HHIP: variants seen among roughly 807,000 people sequenced by gnomAD.
HHIP encodes the protein hedgehog-interacting protein.
HHIP carries 12 observed loss-of-function variants against 74.0 expected under a neutral mutation model. That is an observed-to-expected ratio of 0.16 (90% CI 0.10 to 0.26). The LOEUF (loss-of-function observed/expected upper bound fraction) is 0.26, where lower values mean the gene tolerates loss of function less well. Among genes scored for constraint, HHIP ranks in the 10% least tolerant of loss-of-function variants. The pLI is 1.00. For missense variants in HHIP, 788 were observed against 845.0 expected, an observed-to-expected ratio of 0.93 and a Z score of 0.84; for synonymous variants, 309 against 311.6, an observed-to-expected ratio of 0.99 and a Z score of 0.09.
intron 11 of HHIP, among the ~76,000 whole-genome samples, chr4:144,722,548 G>T (rs537575854): frequency 6.6e-6 from 1 of 152,062 alleles, no homozygotes; most frequent in East Asian, 1.9e-4. Context: ...GACATCTATG[G>T]AGCTTCTAAG....
At chr4:144,691,369 T>C (rs1461178393) in intron 4 of HHIP, among the ~76,000 whole-genome samples, 1 of 152,188 alleles carries the variant, frequency 6.6e-6, no homozygotes, top group African/African-American at 2.4e-5. Context: ...TGTCTAGGCT[T>C]ATATGTGTGA....
In HHIP at chr4:144,718,937, A is replaced by C. The variant is rs774266741; in HGVS notation, c.1741A>C (p.Lys581Gln). 5 of 1,601,894 alleles carry C rather than the reference A, an allele frequency of 3.1e-6. No individual in the cohort carries two copies. In the East Asian group the frequency reaches 1.1e-4, roughly 36 times the overall value. The change falls in exon 11 of 13, where the codon AAA (lysine) becomes CAA (glutamine). Residue 581 changes from lysine (K) to glutamine (Q), a missense_variant. Lys to Gln is a moderately conservative substitution (Grantham distance 53). Coordinates refer to ENST00000296575, the MANE Select transcript of HHIP (RefSeq NM_022475.3). ...MTQTHNGKLYKIVDPKRPLMP... is the reference protein window; with the variant it reads ...MTQTHNGKLYQIVDPKRPLMP... ...CCAGACTCACAATGGAAAACTCTAC[A>C]AAATTGTAGATCCCAAAAGGTGAGA...
rs1429772591 is a variant in HHIP at position 144,742,973 on chromosome 4, A to G, written c.*5016A>G. The G allele has an allele frequency of 9.4e-4, 2 of 2,132 alleles. No homozygotes were observed. Among genetic ancestry groups the G allele is most frequent in the African/African-American group, 2.0e-3 (2 of 1,024 alleles). The allele number at this position is 2,132 out of a possible 1,614,324, so 0.1% of individuals were successfully genotyped here. A position where few individuals can be genotyped will look rare whatever the true frequency, so the allele number is the denominator to read the frequency against. On this transcript the variant is annotated 3_prime_UTR_variant, in exon 13 of 13. Coordinates refer to ENST00000296575, the MANE Select transcript of HHIP (RefSeq NM_022475.3). ...TATCTTATACATATAAGATATATGT[A>G]TATATATATACATTATATATATATA...
chr4:144,674,219 A>T (rs539939997), intron 4 of HHIP, among the ~76,000 whole-genome samples: 1 of 152,360 alleles, frequency 6.6e-6, no homozygotes, highest in African/African-American at 2.4e-5. Context: ...CATACACTGT[A>T]TAGATTAGAG....
chr4:144,712,619 T>G (rs886495191), intron 8 of HHIP, among the ~76,000 whole-genome samples: 1 of 152,196 alleles, frequency 6.6e-6, no homozygotes, highest in African/African-American at 2.4e-5. Context: ...CATGATTACT[T>G]GAATATTTAG....
chr4:144,706,481 A>G (rs200434083), intron 4 of HHIP, 50 bp from the exon 5 acceptor site: 73 of 1,460,132 alleles, frequency 5.0e-5, no homozygotes, highest in Non-Finnish European at 6.4e-5. Context: ...GAAACACAAT[A>G]AAGAACATAA....
rs1281550439 is a variant in HHIP at position 144,652,817 on chromosome 4, A to G, written c.472+20A>G. 6.6e-7 allele frequency: 1 copy of G among 1,510,662 alleles called. No homozygotes were observed. The highest frequency in any genetic ancestry group is 9.0e-7 in the Non-Finnish European group (1 of 1,109,440). 93.6% of individuals were successfully genotyped at this position (1,510,662 alleles called of 1,614,324 possible). A position where few individuals can be genotyped will look rare whatever the true frequency, so the allele number is the denominator to read the frequency against. Reference sequence around the variant, plus strand: ...TTCCAGGTAAGAAAAAAAAATGCATAAGTAAAATAAACCACTGCACAATAT... The same window carrying G: ...TTCCAGGTAAGAAAAAAAAATGCATGAGTAAAATAAACCACTGCACAATAT... On this transcript the variant is annotated intron_variant, in intron 2 of 12. Coordinates refer to ENST00000296575, the MANE Select transcript of HHIP (RefSeq NM_022475.3).
chr4:144,713,318 A>G (rs1314559572), intron 8 of HHIP, among the ~76,000 whole-genome samples: 1 of 152,134 alleles, frequency 6.6e-6, no homozygotes, highest in Non-Finnish European at 1.5e-5. Flanking sequence ...TAATTATTCA[A>G]TTATGCTACC....
Position 144,708,185 on chromosome 4 carries a change from T to G in HHIP, c.1175T>G (p.Val392Gly). ...TTTCTCAGTGATTTCACAGGCTCAGTGCTACGGCTGGATGTGGACACAGAC... is the reference window on the plus strand; with the variant it reads ...TTTCTCAGTGATTTCACAGGCTCAGGGCTACGGCTGGATGTGGACACAGAC... ...MDGLSDFTGSVLRLDVDTDMC... is the reference protein window; with the variant it reads ...MDGLSDFTGSGLRLDVDTDMC... The change falls in exon 7 of 13, where the codon GTG (valine) becomes GGG (glycine). Residue 392 changes from valine (V) to glycine (G), a missense_variant. By Grantham distance (109) the Val-to-Gly change is moderately radical. Coordinates refer to ENST00000296575, the MANE Select transcript of HHIP (RefSeq NM_022475.3). The G allele has an allele frequency of 6.2e-7, 1 of 1,614,146 alleles. No homozygotes were observed. Among genetic ancestry groups the G allele is most frequent in the East Asian group, 2.2e-5 (1 of 44,880 alleles).
intron 4 of HHIP, chr4:144,660,288 A>C (rs1172845842): frequency 5.5e-6 from 1 of 180,456 alleles, no homozygotes; most frequent in South Asian, 2.0e-4. Context: ...TCCTTGTACA[A>C]TGTTTTTACA....
intron 4 of HHIP, among the ~76,000 whole-genome samples, chr4:144,692,137 A>G (rs182105765): frequency 3.3e-5 from 5 of 152,108 alleles, no homozygotes; most frequent in Admixed American, 6.6e-5. Flanking sequence ...TATTTAATGT[A>G]TTTTTCATTT....
At chr4:144,686,156 A>G (rs2126628158) in intron 4 of HHIP, among the ~76,000 whole-genome samples, 1 of 152,344 alleles carries the variant, frequency 6.6e-6, no homozygotes, top group South Asian at 2.1e-4. Flanking sequence ...CTCTTGGTTT[A>G]GCCTTGAGTA....
chr4:144,733,651 G>T (rs1731026229), intron 11 of HHIP, among the ~76,000 whole-genome samples: 1 of 152,112 alleles, frequency 6.6e-6, no homozygotes. Context: ...GTGTCCATTT[G>T]CTTGGCCGTC....
chr4:144,649,235 G>GAA (rs34147694), intron 1 of HHIP, among the ~76,000 whole-genome samples: 46 of 147,076 alleles, frequency 3.1e-4, no homozygotes, highest in African/African-American at 6.3e-4. Context: ...GTTTATGGAA[G>GAA]AAAAAAAAAA....
intron 4 of HHIP, among the ~76,000 whole-genome samples, chr4:144,663,017 G>A (rs1728755597): frequency 6.6e-6 from 1 of 152,162 alleles, no homozygotes; most frequent in Non-Finnish European, 1.5e-5. Context: ...TGGGTGTGGT[G>A]TCTCATGCCT....
At chr4:144,715,556 G>A in intron 10 of HHIP, 126 bp downstream of exon 10, 1 of 840,422 alleles carries the variant, frequency 1.2e-6, no homozygotes, top group Non-Finnish European at 1.8e-6. Flanking sequence ...CCACAGCAAA[G>A]ATGACCTACT....
rs1337200318 is a variant in HHIP at position 144,708,234 on chromosome 4, A to T, written c.1224A>T (p.Ile408=). ...ACATGTGCAACGTGCCTTATTCCAT[A>T]CCAAGGAGCAACCCACACTTCAACA... ...DTDMCNVPYS[I]PRSNPHFNST... is the part of the protein sequence containing the mutation. Residue 408 remains isoleucine (I), a synonymous_variant, in exon 7 of 13, where the codon ATA becomes ATT. Transcript: ENST00000296575. The T allele has an allele frequency of 6.2e-7, 1 of 1,613,998 alleles. No homozygotes were observed. Among genetic ancestry groups the T allele is most frequent in the Non-Finnish European group, 8.5e-7 (1 of 1,180,004 alleles).
In HHIP at chr4:144,659,676, G is replaced by A; in HGVS notation, c.669G>A (p.Val223=). 1 of 1,555,928 alleles carries A rather than the reference G, an allele frequency of 6.4e-7. No homozygotes were observed. The highest frequency in any genetic ancestry group is 1.2e-5 in the South Asian group (1 of 80,616). Reference sequence around the variant, plus strand: ...ACTGCTTCTGTATTCAGGAGGTTGTGAGTGGGCTGCGGCAGCCCGTTGGTG... The same window carrying A: ...ACTGCTTCTGTATTCAGGAGGTTGTAAGTGGGCTGCGGCAGCCCGTTGGTG... ...KHNCFCIQEV[V]SGLRQPVGAL... The change falls in exon 4 of 13, where the codon GTG becomes GTA. Residue 223 remains valine, a synonymous_variant. Coordinates refer to ENST00000296575, the MANE Select transcript of HHIP (RefSeq NM_022475.3).
rs940988642 is a variant in HHIP at position 144,740,974 on chromosome 4, T to C, written c.*3017T>C. The C allele has an allele frequency of 2.0e-5, 3 of 151,720 alleles. No homozygotes were observed. The highest frequency in any genetic ancestry group is 7.3e-5 in the African/African-American group (3 of 40,954). The allele number at this position is 151,720 out of a possible 1,614,324, so 9.4% of individuals were successfully genotyped here. A position where few individuals can be genotyped will look rare whatever the true frequency, so the allele number is the denominator to read the frequency against. On this transcript the variant is annotated 3_prime_UTR_variant, in exon 13 of 13. Coordinates refer to ENST00000296575, the MANE Select transcript of HHIP (RefSeq NM_022475.3). Reference sequence around the variant, plus strand: ...TCTGCCACACTGTTGTCCTGGTTCATAGAACCTTGTTTTCTTGACAGTTAT... The same window carrying C: ...TCTGCCACACTGTTGTCCTGGTTCACAGAACCTTGTTTTCTTGACAGTTAT...
Sources: gnomAD v4.1 joint callset for allele counts (sites outside exome capture counted in the v4.1 genomes callset) on GRCh38, gnomAD v4.1.1 for gene constraint, MANE v1.5 for transcripts, NCBI Gene and HGNC (gene_info 2026-07-23, HGNC 2026-07-21) for gene names.